Variants in CYB5R4 observed in about 807,000 individuals in gnomAD.
The protein encoded by CYB5R4 is N-terminal cytochrome b5 and cytochrome b5 oxidoreductase domain-containing protein.
Under a neutral mutation model 70.2 loss-of-function variants are expected in CYB5R4, and 55 were observed. The ratio of observed to expected loss-of-function variants is 0.78; its 90% confidence interval spans 0.63 to 0.98. CYB5R4 has a LOEUF of 0.98. CYB5R4 is among the 50% of genes least tolerant of loss of function. CYB5R4 has a pLI of 0.00. For synonymous variants in CYB5R4, 197 were observed against 199.5 expected (o/e 0.99, Z 0.11); for missense variants, 562 against 612.6 (o/e 0.92, Z 0.87).
intron 14 of CYB5R4, among the ~76,000 whole-genome samples, chr6:83,947,847 C>T (rs530823737): frequency 5.3e-5 from 8 of 151,992 alleles, no homozygotes; most frequent in South Asian, 2.1e-4. Context: ...ATTAGGATGG[C>T]GATCATTTAA....
In CYB5R4 at chr6:83,963,048, A is replaced by G. The variant is rs2129147285; in HGVS notation, c.*3170A>G. ...GTGGTTAGATTGGACCTATCCAGAT[A>G]TCCAGGGTAATCTTCCTATTTTAAA... On this transcript the variant is annotated 3_prime_UTR_variant, in exon 16 of 16. Transcript: ENST00000369681. 6.6e-6 allele frequency: 1 copy of G among 152,346 alleles called. No homozygotes were observed. The highest frequency in any genetic ancestry group is 3.4e-3 in the Middle Eastern group (1 of 296). 9.4% of individuals were successfully genotyped at this position (152,346 alleles called of 1,614,324 possible). A position where few individuals can be genotyped will look rare whatever the true frequency, so the allele number is the denominator to read the frequency against.
At chr6:83,955,527 ATC>A (rs1431293017) in intron 15 of CYB5R4, 65 bp downstream of exon 15, 1 of 1,424,014 alleles carries the variant, frequency 7.0e-7, no homozygotes, top group Non-Finnish European at 9.6e-7. Flanking sequence ...CATAACAAGC[ATC>A]TCTCAGTTCT....
chr6:83,921,487 A>G (rs79618820), intron 8 of CYB5R4, among the ~76,000 whole-genome samples: 6 of 152,366 alleles, frequency 3.9e-5, no homozygotes, highest in Non-Finnish European at 8.8e-5. Flanking sequence ...CCCATTGGTC[A>G]CATGTCTTAC....
In CYB5R4 at chr6:83,960,296, A is replaced by G. The variant is rs1404215152; in HGVS notation, c.*418A>G. ...TTACCTTGCACTGTTAACTCAGGAA[A>G]TGATCATTTATGTCCTTGTTATTAA... On this transcript the variant is annotated 3_prime_UTR_variant, in exon 16 of 16. Transcript: ENST00000369681. 6.4e-6 allele frequency: 1 copy of G among 155,626 alleles called. No homozygotes were observed. Among genetic ancestry groups the G allele is most frequent in the African/African-American group, 2.4e-5 (1 of 41,500 alleles). The allele number at this position is 155,626 out of a possible 1,614,324, so 9.6% of individuals were successfully genotyped here.
At position 83,864,878 on chromosome 6, in the gene CYB5R4, G is replaced by A. The variant is rs61761483; in HGVS notation, c.229+550G>A. On this transcript the variant is annotated intron_variant, in intron 2 of 15. Coordinates refer to ENST00000369681, the MANE Select transcript of CYB5R4 (RefSeq NM_016230.4). ...TAAATATAAATGTATTGGAGGAGGT[G>A]AGCAGGCAGACAAGAAGGTAGCTGA... Among the ~76,000 whole-genome samples the A allele has an allele frequency of 9.7e-3, 1,469 of 152,198 alleles. 17 individuals carry two copies. The highest frequency in any genetic ancestry group is 0.033 in the African/African-American group (1,353 of 41,494).
chr6:83,944,300 A>G (rs1460495841), intron 14 of CYB5R4, among the ~76,000 whole-genome samples: 1 of 152,228 alleles, frequency 6.6e-6, no homozygotes, highest in Non-Finnish European at 1.5e-5. Flanking sequence ...TAAAGAAAAG[A>G]GTTTTTAATC....
rs370743584 is a variant in CYB5R4, at chr6:83,892,746, C to T, written c.230-776C>T. Among the ~76,000 whole-genome samples, 7 of 152,150 alleles carry T rather than the reference C, an allele frequency of 4.6e-5. No individual in the cohort carries two copies. In the South Asian group the frequency reaches 8.3e-4, roughly 18 times the overall value. ...TAACCTTTGCTGAGATGATCAGAGA[C>T]GTGGATTAGAGCTTGATTCTTTTTT... is the stretch of plus-strand genomic sequence containing the variant. On this transcript the variant is annotated intron_variant, in intron 2 of 15. Transcript: ENST00000369681.
chr6:83,903,576 A>G (rs566536978), intron 3 of CYB5R4, among the ~76,000 whole-genome samples: 202 of 151,924 alleles, frequency 1.3e-3, no homozygotes, highest in Non-Finnish European at 2.3e-3. Flanking sequence ...CTTCTCTTCA[A>G]TTTTTTGGAA....
chr6:83,908,144 A>AT (rs967698371), intron 3 of CYB5R4, among the ~76,000 whole-genome samples: 4 of 151,954 alleles, frequency 2.6e-5, no homozygotes, highest in Non-Finnish European at 4.4e-5. Flanking sequence ...AACATCTGTT[A>AT]TTTTTTTACT....
At chr6:83,913,717 A>G (rs938769541) in intron 4 of CYB5R4, among the ~76,000 whole-genome samples, 2 of 152,114 alleles carry the variant, frequency 1.3e-5, no homozygotes, top group South Asian at 2.1e-4. Context: ...ATGTCTTTCC[A>G]TTTGACTACT....
intron 6 of CYB5R4, among the ~76,000 whole-genome samples, chr6:83,918,967 A>G (rs754528214): frequency 5.9e-5 from 9 of 152,140 alleles, no homozygotes; most frequent in South Asian, 2.1e-4. Flanking sequence ...AAGTTTCACT[A>G]TGGACCCATT....
chr6:83,881,910 T>C (rs915784406), intron 2 of CYB5R4, among the ~76,000 whole-genome samples: 47 of 152,226 alleles, frequency 3.1e-4, no homozygotes, highest in African/African-American at 1.1e-3. Flanking sequence ...ATAAAATCAA[T>C]TTGTCTTTCA....
At chr6:83,896,687 T>G (rs2099461959) in intron 3 of CYB5R4, among the ~76,000 whole-genome samples, 2 of 152,222 alleles carry the variant, frequency 1.3e-5, no homozygotes, top group Admixed American at 6.5e-5. Flanking sequence ...TGTGGACACT[T>G]AGGTGGATTC....
At chr6:83,929,873 T>A (rs1353934285) in intron 10 of CYB5R4, among the ~76,000 whole-genome samples, 1 of 151,848 alleles carries the variant, frequency 6.6e-6, no homozygotes, top group Non-Finnish European at 1.5e-5. Context: ...AAAAAAAAAA[T>A]TGTCTCACAA....
intron 2 of CYB5R4, among the ~76,000 whole-genome samples, chr6:83,866,449 G>A (rs2099456728): frequency 6.6e-6 from 1 of 152,102 alleles, no homozygotes; most frequent in African/African-American, 2.4e-5. Flanking sequence ...TCCATTGAGT[G>A]TTTCTGTTAA....
At chr6:83,906,071 G>A (rs958977157) in intron 3 of CYB5R4, among the ~76,000 whole-genome samples, 6 of 152,162 alleles carry the variant, frequency 3.9e-5, no homozygotes, top group Non-Finnish European at 7.4e-5. Flanking sequence ...GTAGGCAGGG[G>A]CAATCCCCAG....
intron 4 of CYB5R4, among the ~76,000 whole-genome samples, chr6:83,910,871 T>A (rs1289495441): frequency 6.6e-6 from 1 of 152,228 alleles, no homozygotes; most frequent in Non-Finnish European, 1.5e-5. Context: ...AAATTAATAC[T>A]CTGGTATTTT....
chr6:83,921,021 T>C, intron 7 of CYB5R4, 61 bp from the exon 8 acceptor site: 2 of 1,260,770 alleles, frequency 1.6e-6, no homozygotes, highest in Non-Finnish European at 2.1e-6. Flanking sequence ...AAAAGTATAG[T>C]TGTAGAAGTT....
chr6:83,878,393 G>C (rs562498603), intron 2 of CYB5R4, among the ~76,000 whole-genome samples: 1 of 151,766 alleles, frequency 6.6e-6, no homozygotes, highest in Non-Finnish European at 1.5e-5. Context: ...TGTCACCCAG[G>C]CTGGAGTGCA....
Sources: allele counts gnomAD v4.1 joint callset (sites outside exome capture counted in the v4.1 genomes callset), GRCh38; gene constraint gnomAD v4.1.1; transcripts MANE v1.5; gene names NCBI Gene and HGNC (gene_info 2026-07-23, HGNC 2026-07-21).